Variants in PLEC observed in about 807,000 individuals in gnomAD.
PLEC encodes plectin, also known as hemidesmosomal protein 1.
In PLEC, 216 loss-of-function variants were observed where a neutral mutation model predicts 392.8. The observed-to-expected ratio is 0.55, with a 90% confidence interval of 0.49 to 0.62. The LOEUF is 0.62. PLEC is among the 20% of genes least tolerant of loss of function. The probability of loss-of-function intolerance (pLI) is 0.00; values close to 1 mark genes in which losing one functional copy is unlikely to be tolerated. For synonymous variants in PLEC, 3,621 were observed against 2,980.6 expected (o/e 1.21, Z -7.00); for missense variants, 6,863 against 6,563.4 (o/e 1.05, Z -1.58).
rs782539268 is a variant in PLEC, at chr8:143,919,804, C to G, written c.10017G>C (p.Lys3339Asn). 3.1e-6 allele frequency: 5 copies of G among 1,612,918 alleles called. No homozygotes were observed. Among genetic ancestry groups the G allele is most frequent in the Non-Finnish European group, 4.2e-6 (5 of 1,180,026 alleles). ...EQLKDGKTTV[K>N]DLSELGSVRT... ...GCACGGAGCCCAGCTCCGAAAGGTC[C>G]TTGACCGTCGTCTTGCCGTCCTTGA... Residue 3339 changes from lysine to asparagine, a missense_variant, in exon 32 of 32, where the codon AAG (lysine) becomes AAC (asparagine). Transcript: ENST00000345136.
At position 143,923,681 on chromosome 8, in the gene PLEC, G is replaced by A. The variant is rs781878105; in HGVS notation, c.6248C>T (p.Ala2083Val). The change falls in exon 31 of 32, where the codon GCG becomes GTG. Residue 2083 changes from alanine (A) to valine (V), a missense_variant. Physicochemically the swap from Ala to Val is moderately conservative, Grantham distance 64 (BLOSUM62 0). Coordinates refer to ENST00000345136, the MANE Select transcript of PLEC (RefSeq NM_201384.3). Reference sequence around the variant, plus strand: ...CTCAGCCGCCCGCCGGGCCGCCTCCGCCTCGCCGCGCAGCTGGTCCAGCAC... The same window carrying A: ...CTCAGCCGCCCGCCGGGCCGCCTCCACCTCGCCGCGCAGCTGGTCCAGCAC... The part of the protein sequence containing the change: ...QSVLDQLRGE[A>V]EAARRAAEEA... 2.1e-4 allele frequency: 320 copies of A among 1,547,384 alleles called. 1 individual carries two copies. In the Middle Eastern group the frequency reaches 6.5e-3, roughly 31 times the overall value.
rs1820798133 is a variant in PLEC, at chr8:143,917,049, T to C, written c.12772A>G (p.Ile4258Val). 6.2e-7 allele frequency: 1 copy of C among 1,609,100 alleles called. No individual in the cohort carries two copies. Among genetic ancestry groups the C allele is most frequent in the Admixed American group, 1.7e-5 (1 of 59,896 alleles). Residue 4258 changes from isoleucine to valine, a missense_variant, in exon 32 of 32, where the codon ATC (isoleucine) becomes GTC (valine). Physicochemically the swap from Ile to Val is conservative, Grantham distance 29. Transcript: ENST00000345136. Reference sequence around the variant, plus strand: ...TGGGTCCTGGAGACGGCGGGGCTGATGGGGTAGGAGGAGGAGGATCCCACC... The same window carrying C: ...TGGGTCCTGGAGACGGCGGGGCTGACGGGGTAGGAGGAGGAGGATCCCACC... ...SSVGSSSSYP[I>V]SPAVSRTQLA...
rs1554717690 is a variant in PLEC at position 143,932,657 on chromosome 8, T to C, written c.1793A>G (p.Asp598Gly). The C allele has an allele frequency of 2.5e-6, 4 of 1,610,740 alleles. No homozygotes were observed. The highest frequency in any genetic ancestry group is 1.7e-6 in the Non-Finnish European group (2 of 1,179,142). ...GAYRDCLGRLDLQYAKLLNSS... is the reference protein window; with the variant it reads ...GAYRDCLGRLGLQYAKLLNSS... ...CACCAGCAGCTTGGCGTACTGCAGG[T>C]CCAGCCGACCCAGGCAGTCACGGTA... Residue 598 changes from aspartate to glycine, a missense_variant, in exon 15 of 32, where the codon GAC (aspartate) becomes GGC (glycine). By Grantham distance (94) the Asp-to-Gly change is moderately conservative (BLOSUM62 -1). Coordinates refer to ENST00000345136, the MANE Select transcript of PLEC (RefSeq NM_201384.3).
In PLEC at chr8:143,916,342, C is replaced by T. The variant is rs781929758; in HGVS notation, c.13479G>A (p.Ser4493=). 6.6e-4 allele frequency: 1,055 copies of T among 1,598,556 alleles called. 3 individuals carry two copies. The highest frequency in any genetic ancestry group is 4.9e-3 in the Middle Eastern group (26 of 5,326). The part of the protein sequence containing the change: ...SGSTAGSRTG[S]RTGSRAGSRR... ...GGGAGCCGGCCCGGGAGCCGGTGCG[C>T]GAGCCGGTGCGGGAGCCAGCGGTAG... Residue 4493 remains serine (S), a synonymous_variant, in exon 32 of 32, where the codon TCG becomes TCA. Transcript: ENST00000345136.
At chr8:143,950,952 CGCCGG>C, upstream of PLEC, 1 of 759,268 alleles carries the variant, frequency 1.3e-6, no homozygotes, top group Non-Finnish European at 2.0e-6. Flanking sequence ...TCCTCCAGGA[CGCCGG>C]GCCGGCCCCC....
upstream of PLEC, among the ~76,000 whole-genome samples, chr8:143,943,317 T>C (rs1354723715): frequency 5.3e-5 from 8 of 152,190 alleles, no homozygotes; most frequent in African/African-American, 1.9e-4. Flanking sequence ...CTGGTGACTT[T>C]GAGCAGGGAG....
At position 143,973,388 on chromosome 8, in the gene PLEC, G is replaced by A. The variant is rs1554744921; in HGVS notation, c.70+15C>T. On this transcript the variant is annotated intron_variant, in intron 1 of 31. Coordinates refer to the PLEC transcript ENST00000356346. The surrounding 1 kb of genome is among the most constrained non-coding windows in gnomAD (Gnocchi z 5.6). ...TCAGGAGCGGCCCGACAGGCAGCGG[G>A]ACGGGGGGCCGTACCTTTGTACTTC... 4.5e-6 allele frequency: 7 copies of A among 1,560,194 alleles called. No individual in the cohort carries two copies. The South Asian group carries it at 8.2e-5, about 18-fold the overall frequency.
chr8:143,941,950 G>A (rs567504416), upstream of PLEC, among the ~76,000 whole-genome samples: 6 of 152,282 alleles, frequency 3.9e-5, no homozygotes, highest in Non-Finnish European at 7.4e-5. Flanking sequence ...TACAGGTGTG[G>A]ACCCTATGGC....
chr8:143,921,391 G>T lies in PLEC; in HGVS notation c.8430C>A (p.Ile2810=), dbSNP rs62641758. The stretch of plus-strand genomic sequence containing the variant: ...CGGGGTCGATAACGCCGCCCGTGGC[G>T]ATCTGGGCCTCCAGCAGGCGGATGC... The part of the protein sequence containing the change: ...EHGIRLLEAQ[I]ATGGVIDPVH... The change falls in exon 32 of 32, where the codon ATC becomes ATA. Residue 2810 remains isoleucine (I), a synonymous_variant. Transcript: ENST00000345136. 5 of 1,613,220 alleles carry T rather than the reference G, an allele frequency of 3.1e-6. No individual in the cohort carries two copies. The highest frequency in any genetic ancestry group is 1.7e-6 in the Non-Finnish European group (2 of 1,179,822).
exon 1 of PLEC, chr8:143,950,237 G>A (rs782759431): frequency 9.0e-6 from 14 of 1,561,070 alleles, no homozygotes; most frequent in African/African-American, 1.4e-5. Flanking sequence ...CTGGGTGGTA[G>A]CAGGCACCAC....
chr8:143,927,711 T>C lies in PLEC; in HGVS notation c.3455A>G (p.Glu1152Gly), dbSNP rs1586974831. ...QQPTFDALRD[E>G]LRGAQEVGER... ...CCCCACCTCCTGTGCCCCCCGCAGC[T>C]CATCCCGCAGGGCGTCGAACGTGGG... Residue 1152 changes from glutamate (E) to glycine (G), a missense_variant, in exon 27 of 32, where the codon GAG (glutamate) becomes GGG (glycine). Transcript: ENST00000345136. 1.9e-6 allele frequency: 3 copies of C among 1,589,150 alleles called. No individual in the cohort carries two copies. Among genetic ancestry groups the C allele is most frequent in the Non-Finnish European group, 1.7e-6 (2 of 1,166,366 alleles).
At position 143,917,864 on chromosome 8, in the gene PLEC, G is replaced by A. The variant is rs369056956; in HGVS notation, c.11957C>T (p.Thr3986Met). ...GCCCATACGCACAGCCTCCTCCACC[G>A]TCAGCTTCAGTCCCTTGATGGGGTC... Reference protein sequence around the residue: ...VIDPIKGLKLTVEEAVRMGIV... With the variant: ...VIDPIKGLKLMVEEAVRMGIV... Residue 3986 changes from threonine (T) to methionine (M), a missense_variant, in exon 32 of 32, where the codon ACG becomes ATG. Physicochemically the swap from Thr to Met is moderately conservative, Grantham distance 81 (BLOSUM62 -1). Transcript: ENST00000345136. The A allele has an allele frequency of 2.5e-5, 40 of 1,613,086 alleles. No homozygotes were observed. The South Asian group carries it at 2.7e-4, about 11-fold the overall frequency.
Position 143,973,395 on chromosome 8 carries a change from G to T in PLEC, c.70+8C>A, listed in dbSNP as rs782714112. ...CGGCCCGACAGGCAGCGGGACGGGGGGCCGTACCTTTGTACTTCTCGCGCA... is the reference window on the plus strand; with the variant it reads ...CGGCCCGACAGGCAGCGGGACGGGGTGCCGTACCTTTGTACTTCTCGCGCA... On this transcript the variant is annotated splice_region_variant and intron_variant, in intron 1 of 31. Transcript: ENST00000356346. This position sits in a 1 kb window ranked among gnomAD's most constrained non-coding sequence, Gnocchi z 5.6. 3.2e-6 allele frequency: 5 copies of T among 1,559,698 alleles called. No individual in the cohort carries two copies. The highest frequency in any genetic ancestry group is 4.3e-6 in the Non-Finnish European group (5 of 1,153,044).
intron 24 of PLEC, 59 bp downstream of exon 24, chr8:143,929,355 G>C (rs1826362061): frequency 1.3e-6 from 2 of 1,566,814 alleles, no homozygotes; most frequent in African/African-American, 1.3e-5. Flanking sequence ...CCAAAGGAGG[G>C]AGGGTGGGAG....
chr8:143,950,047 G>T, intron 1 of PLEC: 1 of 1,157,312 alleles, frequency 8.6e-7, no homozygotes, highest in Non-Finnish European at 1.2e-6. Context: ...GGCTAGGGGG[G>T]GCCACCTGCT....
chr8:143,938,131 G>A lies in PLEC; in HGVS notation c.264+20C>T, dbSNP rs782485244. On this transcript the variant is annotated intron_variant, in intron 3 of 31. Transcript: ENST00000345136. ...CCAGGTGGGGCAGGCGGGGCCCGGA[G>A]GGGGCAGGGGCACACGTACCAGGCT... 6.3e-7 allele frequency: 1 copy of A among 1,582,668 alleles called. No homozygotes were observed. The highest frequency in any genetic ancestry group is 8.6e-7 in the Non-Finnish European group (1 of 1,162,764).
intron 3 of PLEC, chr8:143,937,898 G>A (rs1051095672): frequency 2.2e-5 from 14 of 639,890 alleles, no homozygotes; most frequent in Non-Finnish European, 3.5e-5. Context: ...CGACGCGGAG[G>A]GCGGCAAGGC....
In PLEC at chr8:143,919,246, C is replaced by T; in HGVS notation, c.10575G>A (p.Gln3525=). 4.3e-6 allele frequency: 7 copies of T among 1,614,014 alleles called. No homozygotes were observed. The highest frequency in any genetic ancestry group is 5.1e-6 in the Non-Finnish European group (6 of 1,180,050). The change falls in exon 32 of 32, where the codon CAG becomes CAA. Residue 3525 remains glutamine, a synonymous_variant. Coordinates refer to ENST00000345136, the MANE Select transcript of PLEC (RefSeq NM_201384.3). ...PNTHENLTYR[Q]LLERCVEDPE... ...GGTCCTCCACGCACCGCTCCAGCAGCTGCCTGTACGTGAGGTTCTCATGCG... is the reference window on the plus strand; with the variant it reads ...GGTCCTCCACGCACCGCTCCAGCAGTTGCCTGTACGTGAGGTTCTCATGCG...
chr8:143,974,923 C>T (rs1554745500), upstream of PLEC, among the ~76,000 whole-genome samples: 2 of 152,238 alleles, frequency 1.3e-5, no homozygotes. The surrounding 1 kb of genome is among the most constrained non-coding windows in gnomAD (Gnocchi z 5.9). Flanking sequence ...TGCATCTGGG[C>T]ACTGGACCGT....
Sources: allele counts gnomAD v4.1 joint callset (sites outside exome capture counted in the v4.1 genomes callset), GRCh38; gene constraint gnomAD v4.1.1; non-coding constraint Gnocchi (gnomAD v3.1); transcripts MANE v1.5; gene names NCBI Gene and HGNC (gene_info 2026-07-23, HGNC 2026-07-21).